SIPA1L1: variants seen among roughly 807,000 people sequenced by gnomAD.
The protein encoded by SIPA1L1 is signal induced proliferation associated 1 like 1, also known as signal-induced proliferation-associated 1-like protein 1.
A neutral mutation model predicts 162.7 loss-of-function variants in SIPA1L1; 26 were observed. The observed-to-expected ratio is 0.16, with a 90% CI of 0.12 to 0.22. SIPA1L1 has a LOEUF of 0.22. Ranked by LOEUF, SIPA1L1 falls within the 10% of genes least tolerant of loss-of-function variation. SIPA1L1 has a pLI of 1.00. For synonymous variants in SIPA1L1, 829 were observed against 837.4 expected, an observed-to-expected ratio of 0.99 and a Z score of 0.17; for missense variants, 1,874 against 2,241.0, an observed-to-expected ratio of 0.84 and a Z score of 3.31.
chr14:71,696,559 C>G (rs1012662665), intron 13 of SIPA1L1, among the ~76,000 whole-genome samples: 10 of 152,212 alleles, frequency 6.6e-5, no homozygotes, highest in African/African-American at 2.4e-4. Context: ...GATCTAGCCC[C>G]ACCATAGTTG....
At chr14:71,730,401 C>T in intron 20 of SIPA1L1, 100 bp downstream of exon 20, 1 of 1,377,502 alleles carries the variant, frequency 7.3e-7, no homozygotes, top group South Asian at 1.3e-5. Flanking sequence ...GGTCCTGTAT[C>T]CATGCTCAGA....
intron 4 of SIPA1L1, among the ~76,000 whole-genome samples, chr14:71,579,321 GT>G (rs1010657108): frequency 3.9e-4 from 60 of 151,948 alleles, no homozygotes; most frequent in African/African-American, 1.4e-3. Flanking sequence ...AGGCTATGTA[GT>G]TTTTTCAAAT....
At chr14:71,696,110 C>T (rs1043032410) in intron 13 of SIPA1L1, among the ~76,000 whole-genome samples, 6 of 152,198 alleles carry the variant, frequency 3.9e-5, no homozygotes, top group East Asian at 3.9e-4. Flanking sequence ...CCCACTAGTA[C>T]GTGGCCCCGC....
chr14:71,529,276 G>A (rs141161447), intron 3 of SIPA1L1, 36 bp from the exon 4 acceptor site: 49 of 597,952 alleles, frequency 8.2e-5, no homozygotes, highest in African/African-American at 7.6e-4. Context: ...AATTTATTGT[G>A]CACTTAACCA....
intron 4 of SIPA1L1, among the ~76,000 whole-genome samples, chr14:71,537,644 G>T (rs1405568207): frequency 6.6e-6 from 1 of 151,946 alleles, no homozygotes; most frequent in Non-Finnish European, 1.5e-5. Flanking sequence ...CTTCAGTGTG[G>T]GCGAGTGGGC....
intron 2 of SIPA1L1, among the ~76,000 whole-genome samples, chr14:71,499,533 T>A (rs1377827507): frequency 6.6e-6 from 1 of 152,228 alleles, no homozygotes; most frequent in Non-Finnish European, 1.5e-5. Context: ...TGTATCATAA[T>A]ATGGTAATTT....
chr14:71,630,880 C>CAT (rs968929532), intron 7 of SIPA1L1, among the ~76,000 whole-genome samples: 20 of 150,440 alleles, frequency 1.3e-4, no homozygotes, highest in African/African-American at 3.9e-4. Context: ...TATATATATA[C>CAT]ATATATATAT....
At chr14:71,450,263 AT>A (rs1219708519) in intron 2 of SIPA1L1, among the ~76,000 whole-genome samples, 2 of 152,048 alleles carry the variant, frequency 1.3e-5, no homozygotes, top group Non-Finnish European at 2.9e-5. Flanking sequence ...GGGCTTACTG[AT>A]TTTCTCATCA....
intron 2 of SIPA1L1, among the ~76,000 whole-genome samples, chr14:71,497,616 A>G (rs1459843890): frequency 6.6e-6 from 1 of 152,222 alleles, no homozygotes; most frequent in Non-Finnish European, 1.5e-5. Flanking sequence ...ACAGTATATA[A>G]TCTTCCAAGA....
chr14:71,601,632 T>C (rs1214352016), intron 5 of SIPA1L1, among the ~76,000 whole-genome samples: 3 of 152,214 alleles, frequency 2.0e-5, no homozygotes, highest in African/African-American at 7.2e-5. Flanking sequence ...AATTCCATCT[T>C]CTTCAGTTTT....
At chr14:71,659,945 A>G (rs557812649) in intron 9 of SIPA1L1, among the ~76,000 whole-genome samples, 111 of 147,344 alleles carry the variant, frequency 7.5e-4, no homozygotes, top group Non-Finnish European at 1.1e-3. Flanking sequence ...TTATGCTTGG[A>G]AAAAAAAACC....
At chr14:71,559,265 G>A (rs12588217) in intron 4 of SIPA1L1, among the ~76,000 whole-genome samples, 2 of 151,780 alleles carry the variant, frequency 1.3e-5, no homozygotes, top group Admixed American at 6.6e-5. Context: ...AGGTGGTTTC[G>A]CCATGTTGGC....
chr14:71,356,578 A>AAAAAAAAAAAAAAAAAAAAG (rs1436152782), intron 2 of SIPA1L1, among the ~76,000 whole-genome samples: 1 of 143,372 alleles, frequency 7.0e-6, no homozygotes, highest in Non-Finnish European at 1.5e-5. Flanking sequence ...AAAAAAAAAA[A>AAAAAAAAAAAAAAAAAAAAG]AAAAAAAAAG....
chr14:71,439,328 T>G (rs918354052), intron 2 of SIPA1L1, among the ~76,000 whole-genome samples: 1 of 152,196 alleles, frequency 6.6e-6, no homozygotes, highest in African/African-American at 2.4e-5. Context: ...CTCCCTCTTC[T>G]TCACTGCCAC....
intron 2 of SIPA1L1, among the ~76,000 whole-genome samples, chr14:71,411,123 T>G (rs1336406678): frequency 1.4e-5 from 2 of 147,310 alleles, no homozygotes; most frequent in East Asian, 3.9e-4. Context: ...TAGCATTTTG[T>G]TTTTTTTTTC....
chr14:71,533,126 T>A (rs770271429), intron 4 of SIPA1L1, among the ~76,000 whole-genome samples: 13 of 152,224 alleles, frequency 8.5e-5, no homozygotes, highest in Non-Finnish European at 1.5e-4. Context: ...ACCTGTTAGG[T>A]ACCTGGCAAT....
intron 2 of SIPA1L1, among the ~76,000 whole-genome samples, chr14:71,472,461 T>C (rs2047537897): frequency 6.6e-6 from 1 of 152,026 alleles, no homozygotes; most frequent in Non-Finnish European, 1.5e-5. Context: ...ATTAAACTAC[T>C]CTAAGCATTC....
chr14:71,474,493 G>C (rs1319119854), intron 2 of SIPA1L1, among the ~76,000 whole-genome samples: 34 of 152,116 alleles, frequency 2.2e-4, no homozygotes, highest in Non-Finnish European at 8.8e-5. Context: ...TTAGGTCCAG[G>C]CACCATGCCA....
At chr14:71,382,707 A>G (rs2040003901) in intron 2 of SIPA1L1, among the ~76,000 whole-genome samples, 1 of 152,170 alleles carries the variant, frequency 6.6e-6, no homozygotes, top group African/African-American at 2.4e-5. Flanking sequence ...TAGCACTTTT[A>G]AAAGCACCAG....
Sources: gnomAD v4.1 joint callset for allele counts (sites outside exome capture counted in the v4.1 genomes callset) on GRCh38, gnomAD v4.1.1 for gene constraint, MANE v1.5 for transcripts, NCBI Gene and HGNC (gene_info 2026-07-23, HGNC 2026-07-21) for gene names.